The following CD226 variants were observed in gnomAD, a reference collection of about 807,000 sequenced individuals.
CD226 encodes CD226 antigen.
CD226 carries 24 observed loss-of-function variants against 34.9 expected under a neutral mutation model. The observed-to-expected ratio is 0.69, with a 90% confidence interval of 0.50 to 0.97. CD226 has a LOEUF of 0.97. Among genes scored for constraint, CD226 ranks in the 50% least tolerant of loss-of-function variants. The pLI, the probability that CD226 is intolerant of heterozygous loss-of-function variation, is 0.00. For synonymous variants in CD226, 148 were observed against 147.4 expected (o/e 1.00, Z -0.03); for missense variants, 397 against 412.7 (o/e 0.96, Z 0.33).
At chr18:69,933,012 G>T (rs1450042808) in intron 2 of CD226, among the ~76,000 whole-genome samples, 2 of 152,298 alleles carry the variant, frequency 1.3e-5, no homozygotes, top group East Asian at 3.9e-4. Flanking sequence ...ACTTGCAGCA[G>T]GGGAGCTTTC....
chr18:69,930,734 C>T (rs549367204), intron 2 of CD226, among the ~76,000 whole-genome samples: 1 of 152,270 alleles, frequency 6.6e-6, no homozygotes, highest in Admixed American at 6.5e-5. Flanking sequence ...GAAAGAAAAT[C>T]CTTGAGTAGT....
In CD226 at chr18:69,864,298, CA is replaced by C. The variant is rs748271269; in HGVS notation, c.*15del. The stretch of plus-strand genomic sequence containing the variant: ...ACATAAGAGTCATTACTAATGCACT[CA>C]TGTCAAGAATAAGCTTAAACTCTAG... On this transcript the variant is annotated 3_prime_UTR_variant, in exon 6 of 6. Transcript: ENST00000582621. 5.0e-6 allele frequency: 8 copies of C among 1,613,314 alleles called. No individual in the cohort carries two copies. Among genetic ancestry groups the C allele is most frequent in the Admixed American group, 3.3e-5 (2 of 60,004 alleles).
intron 3 of CD226, among the ~76,000 whole-genome samples, chr18:69,876,147 C>T (rs1378096488): frequency 2.0e-5 from 3 of 151,722 alleles, no homozygotes; most frequent in Non-Finnish European, 4.4e-5. Context: ...TTATATTTTC[C>T]AAATTTTCTA....
rs780391094 is a variant in CD226 at position 69,947,451 on chromosome 18, T to G, written c.-45A>C. The G allele has an allele frequency of 2.1e-5, 26 of 1,243,338 alleles. No homozygotes were observed. Among genetic ancestry groups the G allele is most frequent in the Middle Eastern group, 1.9e-4 (1 of 5,162 alleles). The allele number at this position is 1,243,338 out of a possible 1,614,324, so 77.0% of individuals were successfully genotyped here. ...GGCTGGTTCTATTAAAAAAAAAAAT[T>G]GCTTTTTATAATGTGACATGCAGAT... On this transcript the variant is annotated 5_prime_UTR_variant, in exon 1 of 6. Coordinates refer to ENST00000582621, the MANE Select transcript of CD226 (RefSeq NM_001303618.2).
At chr18:69,940,379 A>G (rs764507094) in intron 2 of CD226, among the ~76,000 whole-genome samples, 9 of 152,212 alleles carry the variant, frequency 5.9e-5, no homozygotes, top group African/African-American at 1.2e-4. Context: ...CAACTTTGGA[A>G]CTGGGTAACA....
chr18:69,882,855 A>G (rs1984343419), intron 3 of CD226, among the ~76,000 whole-genome samples: 1 of 152,158 alleles, frequency 6.6e-6, no homozygotes, highest in African/African-American at 2.4e-5. Flanking sequence ...GTTTGTAGAG[A>G]CAAGATCTCG....
chr18:69,916,488 C>T (rs753007727), intron 2 of CD226, among the ~76,000 whole-genome samples: 2 of 152,138 alleles, frequency 1.3e-5, no homozygotes, highest in Non-Finnish European at 2.9e-5. Context: ...AAAATACCCT[C>T]CGGAAAGCCA....
At position 69,953,269 on chromosome 18, in the gene CD226, A is replaced by T. The variant is rs922008627; in HGVS notation, c.-28+3486T>A. On this transcript the variant is annotated intron_variant, in intron 1 of 6. Transcript: ENST00000280200. Reference sequence around the variant, plus strand: ...AACCAATATTTGTAGACCAATGTTTACAGCAGCATTATTCACAAAAGCCAG... The same window carrying T: ...AACCAATATTTGTAGACCAATGTTTTCAGCAGCATTATTCACAAAAGCCAG... Among the ~76,000 whole-genome samples, 101 of 152,238 alleles carry T rather than the reference A, an allele frequency of 6.6e-4. 1 individual carries two copies. The highest frequency in any genetic ancestry group is 6.2e-4 in the Non-Finnish European group (42 of 68,042).
At chr18:69,919,633 T>C (rs541352610) in intron 2 of CD226, among the ~76,000 whole-genome samples, 6 of 152,228 alleles carry the variant, frequency 3.9e-5, no homozygotes, top group African/African-American at 1.4e-4. Context: ...GTGAAGTAAA[T>C]GGCACCAGGC....
intron 3 of CD226, among the ~76,000 whole-genome samples, chr18:69,892,388 G>C (rs1046459298): frequency 6.6e-6 from 1 of 152,014 alleles, no homozygotes; most frequent in African/African-American, 2.4e-5. Flanking sequence ...GGATGTTAAG[G>C]GCCAAAAATA....
At chr18:69,899,813 C>G (rs953450628) in intron 2 of CD226, among the ~76,000 whole-genome samples, 3 of 152,210 alleles carry the variant, frequency 2.0e-5, no homozygotes, top group African/African-American at 7.2e-5. Flanking sequence ...AAAGGGAACA[C>G]TTATACACTG....
chr18:69,865,713 T>C (rs537201454), intron 5 of CD226, among the ~76,000 whole-genome samples: 8 of 152,324 alleles, frequency 5.3e-5, no homozygotes, highest in Middle Eastern at 3.4e-3. Context: ...AAATATTTTT[T>C]GCAAAAGTAA....
intron 2 of CD226, among the ~76,000 whole-genome samples, chr18:69,937,603 C>G (rs1167822793): frequency 3.9e-5 from 6 of 152,182 alleles, no homozygotes; most frequent in Non-Finnish European, 8.8e-5. Flanking sequence ...TTCCAAACCA[C>G]TGAACATTAC....
At chr18:69,917,479 C>T (rs887719532) in intron 2 of CD226, among the ~76,000 whole-genome samples, 3 of 152,168 alleles carry the variant, frequency 2.0e-5, no homozygotes, top group Admixed American at 6.5e-5. Context: ...CTAGGTTACA[C>T]ACCCCCCCAA....
intron 2 of CD226, among the ~76,000 whole-genome samples, chr18:69,908,309 T>C (rs1333581900): frequency 6.6e-6 from 1 of 152,242 alleles, no homozygotes; most frequent in African/African-American, 2.4e-5. Context: ...TACTCCACCA[T>C]GTTTCAAAAG....
At chr18:69,879,143 G>A (rs1202918547) in intron 3 of CD226, among the ~76,000 whole-genome samples, 2 of 152,184 alleles carry the variant, frequency 1.3e-5, no homozygotes, top group Admixed American at 1.3e-4. Flanking sequence ...GGCAGAGCGA[G>A]ATCACAGGAT....
At chr18:69,874,070 T>C (rs890195735) in intron 3 of CD226, among the ~76,000 whole-genome samples, 3 of 152,150 alleles carry the variant, frequency 2.0e-5, no homozygotes, top group Admixed American at 6.5e-5. Context: ...AAGTTTACCA[T>C]GGTCCAGTAA....
Position 69,855,681 on chromosome 18 carries a change from C to T in CD226, c.*8633G>A, listed in dbSNP as rs567208990. On this transcript the variant is annotated 3_prime_UTR_variant, in exon 6 of 6. Transcript: ENST00000582621. The stretch of plus-strand genomic sequence containing the variant: ...CCTAGGTTGATCAATGAAAGATATG[C>T]CACGAGAGAAAATTAAATCATGTAA... 1.4e-4 allele frequency: 22 copies of T among 151,916 alleles called. No individual in the cohort carries two copies. In the East Asian group the frequency reaches 2.1e-3, roughly 15 times the overall value. The allele number at this position is 151,916 out of a possible 1,614,324, so 9.4% of individuals were successfully genotyped here. A position where few individuals can be genotyped will look rare whatever the true frequency, so the allele number is the denominator to read the frequency against.
chr18:69,951,008 T>TGTG (rs2055849391), upstream of CD226, among the ~76,000 whole-genome samples: 2 of 144,504 alleles, frequency 1.4e-5, no homozygotes, highest in South Asian at 4.5e-4. Context: ...TGTGTGTGTG[T>TGTG]GTGTGTAGAG....
Sources: allele counts gnomAD v4.1 joint callset (sites outside exome capture counted in the v4.1 genomes callset), GRCh38; gene constraint gnomAD v4.1.1; transcripts MANE v1.5; gene names NCBI Gene and HGNC (gene_info 2026-07-23, HGNC 2026-07-21).